CCNB3: variants seen among roughly 807,000 people sequenced by gnomAD.
CCNB3 encodes cyclin B3, also known as G2/mitotic-specific cyclin-B3.
In CCNB3, 12 loss-of-function variants were observed where a neutral mutation model predicts 68.0. The observed-to-expected ratio is 0.18, with a 90% CI of 0.11 to 0.29. The LOEUF (loss-of-function observed/expected upper bound fraction) is 0.29. Ranked by LOEUF, CCNB3 falls within the 10% of genes least tolerant of loss-of-function variation. The probability of loss-of-function intolerance (pLI) is 1.00; values close to 1 mark genes in which losing one functional copy is unlikely to be tolerated. For missense variants in CCNB3, 904 were observed against 993.1 expected (o/e 0.91, Z 1.21); for synonymous variants, 354 against 388.9 (o/e 0.91, Z 1.06).
At chrX:50,343,326 T>A (rs1360001542) in intron 9 of CCNB3, among the ~76,000 whole-genome samples, 1 of 111,914 alleles carries the variant, frequency 8.9e-6, no homozygotes, top group Non-Finnish European at 1.9e-5. Flanking sequence ...TATGTATACA[T>A]GTGCCATGTT....
At position 50,294,861 on chromosome X, in the gene CCNB3, A is replaced by T; in HGVS notation, c.205-2A>T. The T allele has an allele frequency of 8.5e-7, 1 of 1,177,863 alleles. No homozygotes were observed. Among genetic ancestry groups the T allele is most frequent in the Admixed American group, 2.6e-5 (1 of 38,858 alleles). On this transcript the variant is annotated splice_acceptor_variant, in intron 4 of 12. Transcript: ENST00000376042. LOFTEE classifies it high-confidence loss of function. ...CCCCCCAACCCACCTTTTTTTTTGC[A>T]GGCTTCTCAATGTCAACCTGTCCAG...
At chrX:50,293,386 A>T (rs1936384361) in intron 4 of CCNB3, among the ~76,000 whole-genome samples, 1 of 107,326 alleles carries the variant, frequency 9.3e-6, no homozygotes, top group African/African-American at 3.4e-5. Flanking sequence ...TCAAATTTTG[A>T]TTACTTCTTG....
intron 8 of CCNB3, among the ~76,000 whole-genome samples, chrX:50,322,977 T>G (rs1363742102): frequency 4.5e-5 from 5 of 111,772 alleles, no homozygotes; most frequent in Non-Finnish European, 7.5e-5. Context: ...GGTAGGACTG[T>G]AAACTGGTTC....
At chrX:50,227,667 T>C (rs1183127004) in intron 1 of CCNB3, among the ~76,000 whole-genome samples, 2 of 23,222 alleles carry the variant, frequency 8.6e-5, no homozygotes, top group Non-Finnish European at 7.8e-5. Context: ...TAAAAATATA[T>C]ATAGAGAGAA....
intron 1 of CCNB3, among the ~76,000 whole-genome samples, chrX:50,279,155 TATATATTCTATATATATATGAATATA>T (rs1194584751): frequency 3.5e-3 from 74 of 21,309 alleles, no homozygotes; most frequent in African/African-American, 0.014. Flanking sequence ...ATATAGAATA[TATATATTCTATATATATATGAATATA>T]ATATATTCTC....
Position 50,351,339 on chromosome X carries a change from T to G in CCNB3, c.4059T>G (p.Ser1353Arg). The G allele has an allele frequency of 8.3e-7, 1 of 1,211,272 alleles. No individual in the cohort carries two copies. The highest frequency in any genetic ancestry group is 1.1e-6 in the Non-Finnish European group (1 of 895,143). The change falls in exon 12 of 13, where the codon AGT (serine) becomes AGG (arginine). Residue 1353 changes from serine (S) to arginine (R), a missense_variant. Ser to Arg is a moderately radical substitution (Grantham distance 110). Around this residue, in one of 2 missense-constraint regions of CCNB3, gnomAD observed 285 missense variants for 383.4 expected, o/e 0.74. Transcript: ENST00000376042. Reference protein sequence around the residue: ...NKLLTFSSYDSLKAVYYKYSH... With the variant: ...NKLLTFSSYDRLKAVYYKYSH... ...TGCTGACTTTCAGTTCTTACGATAG[T>G]CTCAAGGCTGTGTATTACAAGTATT...
intron 5 of CCNB3, among the ~76,000 whole-genome samples, chrX:50,304,837 A>G (rs1402075188): frequency 3.6e-5 from 4 of 112,032 alleles, no homozygotes; most frequent in African/African-American, 9.7e-5. Flanking sequence ...ATCAACAAGT[A>G]GGCGAAGGAT....
At position 50,347,613 on chromosome X, in the gene CCNB3, T is replaced by C. The variant is rs1557220550; in HGVS notation, c.3811-13T>C. ...TAAATTGATTTCTGAGCCAGTCTTC[T>C]CATTGCCTTTAGTGTATCCACACCA... is the stretch of plus-strand genomic sequence containing the variant. On this transcript the variant is annotated splice_polypyrimidine_tract_variant and intron_variant, in intron 10 of 12. Coordinates refer to ENST00000376042, the MANE Select transcript of CCNB3 (RefSeq NM_033031.3). 8.3e-7 allele frequency: 1 copy of C among 1,200,654 alleles called. No individual in the cohort carries two copies. The highest frequency in any genetic ancestry group is 1.1e-6 in the Non-Finnish European group (1 of 888,757).
rs1245743359 is a variant in CCNB3 at position 50,313,778 on chromosome X, G to A, written c.3424-78G>A. On this transcript the variant is annotated intron_variant, in intron 7 of 12. Coordinates refer to ENST00000376042, the MANE Select transcript of CCNB3 (RefSeq NM_033031.3). ...AAAACAAGGAGTTAGAACTATGAGG[G>A]AGAAGTTAATTGTTAAGTTACAATG... 4.2e-6 allele frequency: 3 copies of A among 716,492 alleles called. 1 individual carries two copies. In the African/African-American group the frequency reaches 6.3e-5, roughly 15 times the overall value. The allele number at this position is 716,492 out of a possible 1,213,427, so 59.0% of individuals were successfully genotyped here.
intron 5 of CCNB3, among the ~76,000 whole-genome samples, chrX:50,297,682 C>A (rs782468450): frequency 1.8e-5 from 2 of 111,794 alleles, no homozygotes; most frequent in East Asian, 5.6e-4. Context: ...TCATTGGTAG[C>A]TTGATGGGGA....
At chrX:50,314,041 A>G (rs1268881162) in intron 8 of CCNB3, 93 bp downstream of exon 8, 8 of 578,310 alleles carry the variant, frequency 1.4e-5, no homozygotes, top group African/African-American at 2.3e-5. Context: ...TACTGGGTCT[A>G]TAGAGTTGAA....
At chrX:50,279,449 T>G (rs1188494178) in intron 1 of CCNB3, among the ~76,000 whole-genome samples, 1 of 72,536 alleles carries the variant, frequency 1.4e-5, no homozygotes, top group African/African-American at 4.9e-5. Flanking sequence ...TATATAAATA[T>G]ATAAATATAT....
At chrX:50,228,058 T>C (rs1246257419) in intron 1 of CCNB3, among the ~76,000 whole-genome samples, 2 of 77,562 alleles carry the variant, frequency 2.6e-5, no homozygotes, top group African/African-American at 1.0e-4. Flanking sequence ...TATAAATATA[T>C]GGAGAGAATA....
chrX:50,311,629 A>C (rs1180093955), intron 6 of CCNB3, 133 bp downstream of exon 6: 1 of 476,648 alleles, frequency 2.1e-6, no homozygotes, highest in African/African-American at 2.6e-5. Context: ...CTTCCTAAGC[A>C]GTTGAGCCAT....
chrX:50,315,016 T>G (rs1921649287), intron 8 of CCNB3, among the ~76,000 whole-genome samples: 1 of 112,140 alleles, frequency 8.9e-6, no homozygotes, highest in South Asian at 3.7e-4. Flanking sequence ...TTATTTAAAG[T>G]TTTTGTTATT....
intron 6 of CCNB3, among the ~76,000 whole-genome samples, chrX:50,311,779 G>C (rs2073392521): frequency 9.1e-6 from 1 of 110,072 alleles, no homozygotes; most frequent in African/African-American, 3.3e-5. Flanking sequence ...CCATGATTTG[G>C]GATACATTTC....
chrX:50,302,812 T>G (rs1936679539), intron 5 of CCNB3, among the ~76,000 whole-genome samples: 1 of 112,365 alleles, frequency 8.9e-6, no homozygotes, highest in African/African-American at 3.2e-5. Flanking sequence ...TATTGCCAAG[T>G]AATATTTCAT....
intron 11 of CCNB3, among the ~76,000 whole-genome samples, chrX:50,350,945 C>T (rs1219093355): frequency 9.0e-6 from 1 of 111,264 alleles, no homozygotes; most frequent in Non-Finnish European, 1.9e-5. Context: ...AGTCCTCCTG[C>T]CTCGGGCTCC....
At chrX:50,347,458 C>T (rs1923460385) in intron 10 of CCNB3, among the ~76,000 whole-genome samples, 168 bp from the exon 11 acceptor site, 1 of 109,805 alleles carries the variant, frequency 9.1e-6, no homozygotes, top group African/African-American at 3.3e-5. Context: ...CCTAAAGAGT[C>T]TGTTTTTGTG....
Sources: allele counts gnomAD v4.1 joint callset (sites outside exome capture counted in the v4.1 genomes callset), GRCh38; gene constraint gnomAD v4.1.1; regional missense constraint gnomAD v4.1.1; transcripts MANE v1.5; gene names NCBI Gene and HGNC (gene_info 2026-07-23, HGNC 2026-07-21).